The following RGS6 variants were observed in gnomAD, a reference collection of about 807,000 sequenced individuals.
The protein encoded by RGS6 is regulator of G protein signaling 6, also known as regulator of G-protein signaling 6.
A neutral mutation model predicts 78.5 loss-of-function variants in RGS6; 30 were observed. The ratio of observed to expected loss-of-function variants is 0.38; its 90% CI spans 0.29 to 0.52. The LOEUF is 0.52. RGS6 is among the 20% of genes least tolerant of loss of function. The probability of loss-of-function intolerance (pLI) is 0.85; values close to 1 mark genes in which losing one functional copy is unlikely to be tolerated. For synonymous variants in RGS6, 206 were observed against 206.0 expected, an observed-to-expected ratio of 1.00 and a Z score of 0.00; for missense variants, 495 against 609.7, an observed-to-expected ratio of 0.81 and a Z score of 1.98.
At chr14:72,597,868 G>A in the RGS6 span, among the ~76,000 whole-genome samples, 1 of 152,264 alleles carries the variant, frequency 6.6e-6, no homozygotes, top group East Asian at 1.9e-4. Context: ...TGCCCAGAAA[G>A]GAGCTGAGAA....
At chr14:72,238,851 A>T (rs928382214) in intron 2 of RGS6, among the ~76,000 whole-genome samples, 1 of 152,002 alleles carries the variant, frequency 6.6e-6, no homozygotes, top group Non-Finnish European at 1.5e-5. Flanking sequence ...TGCCTAAAAC[A>T]CTCATACAAC....
chr14:72,493,133 G>A (rs1231859041), intron 12 of RGS6, among the ~76,000 whole-genome samples: 1 of 152,144 alleles, frequency 6.6e-6, no homozygotes, highest in Non-Finnish European at 1.5e-5. Flanking sequence ...GCAGGTTTCA[G>A]TACCTCAGTC....
the RGS6 span, among the ~76,000 whole-genome samples, chr14:71,874,432 G>C: frequency 6.6e-6 from 1 of 152,054 alleles, no homozygotes; most frequent in African/African-American, 2.4e-5. Flanking sequence ...CTCATGATTT[G>C]GCTCTCTGTT....
chr14:72,001,895 CTTTTTTT>C (rs59274317), intron 2 of RGS6, among the ~76,000 whole-genome samples: 23 of 92,522 alleles, frequency 2.5e-4, no homozygotes, highest in Middle Eastern at 8.9e-3. Flanking sequence ...ATCCATTAAT[CTTTTTTT>C]TTTTTTTTTT....
chr14:72,349,828 C>G (rs1005796051), intron 2 of RGS6, among the ~76,000 whole-genome samples: 1 of 152,184 alleles, frequency 6.6e-6, no homozygotes, highest in Non-Finnish European at 1.5e-5. Flanking sequence ...TATCTAATGT[C>G]CACTCCGGGG....
intron 2 of RGS6, among the ~76,000 whole-genome samples, chr14:71,993,914 T>C (rs1459257431): frequency 1.3e-5 from 2 of 151,746 alleles, no homozygotes; most frequent in Non-Finnish European, 2.9e-5. Context: ...AGAGTGTCTC[T>C]GATAGGGAAA....
intron 2 of RGS6, among the ~76,000 whole-genome samples, chr14:72,077,577 G>A (rs1024601739): frequency 6.6e-6 from 1 of 151,996 alleles, no homozygotes; most frequent in Admixed American, 6.6e-5. Context: ...AAACACTCTT[G>A]CCTAATTTGT....
At chr14:72,368,899 G>T (rs1341522826) in intron 3 of RGS6, among the ~76,000 whole-genome samples, 1 of 152,118 alleles carries the variant, frequency 6.6e-6, no homozygotes, top group African/African-American at 2.4e-5. Context: ...TGAAGGTATG[G>T]TTACATTAAG....
rs140040518 is a variant in RGS6, at chr14:72,294,020, G to C, written c.85-58075G>C. 5.2e-3 allele frequency among the ~76,000 whole-genome samples: 794 copies of C among 152,314 alleles called. 11 individuals carry two copies. The highest frequency in any genetic ancestry group is 0.032 in the South Asian group (154 of 4,830). On this transcript the variant is annotated intron_variant, in intron 2 of 17. Coordinates refer to ENST00000553525, the MANE Select transcript of RGS6 (RefSeq NM_001204424.2). ...TATGCGGGCTGTGTCCTGTGTGACAGTGCCTAGCCAAGGGGGCAAGTGGGA... is the reference window on the plus strand; with the variant it reads ...TATGCGGGCTGTGTCCTGTGTGACACTGCCTAGCCAAGGGGGCAAGTGGGA...
chr14:71,984,015 T>C (rs2094575173), intron 2 of RGS6, among the ~76,000 whole-genome samples: 1 of 152,198 alleles, frequency 6.6e-6, no homozygotes, highest in Admixed American at 6.5e-5. Context: ...ACAACTTTAC[T>C]GTCCAACTGG....
the RGS6 span, among the ~76,000 whole-genome samples, chr14:72,605,543 G>A: frequency 2.2e-4 from 33 of 152,332 alleles, no homozygotes; most frequent in East Asian, 5.6e-3. Context: ...TGCTAAAAGC[G>A]CTGATGGTTC....
intron 2 of RGS6, among the ~76,000 whole-genome samples, chr14:72,016,601 G>A (rs1202128343): frequency 6.6e-6 from 1 of 152,112 alleles, no homozygotes; most frequent in Admixed American, 6.5e-5. Context: ...TCCTGACCTC[G>A]TGATCCGCCC....
At chr14:72,560,752 C>T (rs1406501900) in intron 17 of RGS6, among the ~76,000 whole-genome samples, 1 of 151,474 alleles carries the variant, frequency 6.6e-6, no homozygotes. Flanking sequence ...AAGTTTAGTG[C>T]ACTTGAAGAT....
At chr14:71,876,021 A>C in the RGS6 span, among the ~76,000 whole-genome samples, 2 of 152,016 alleles carry the variant, frequency 1.3e-5, no homozygotes, top group Non-Finnish European at 2.9e-5. Flanking sequence ...AATTTCTTAT[A>C]ATTTCTGTTC....
chr14:72,382,508 G>T (rs999917569), intron 3 of RGS6, among the ~76,000 whole-genome samples: 4 of 152,150 alleles, frequency 2.6e-5, no homozygotes, highest in Admixed American at 2.6e-4. Flanking sequence ...GTGTGCATTC[G>T]CAAACCACAT....
chr14:72,132,183 A>T (rs911943481), intron 2 of RGS6, among the ~76,000 whole-genome samples: 2 of 152,148 alleles, frequency 1.3e-5, no homozygotes, highest in Non-Finnish European at 2.9e-5. Context: ...CCAATCATTT[A>T]AATTAAGCAT....
At chr14:72,513,894 C>T (rs1020338735) in intron 14 of RGS6, 4 of 152,244 alleles carry the variant, frequency 2.6e-5, no homozygotes, top group Admixed American at 2.6e-4. Context: ...CCGAGTTCCA[C>T]ACAGTGTCGG....
chr14:72,318,639 T>A lies in RGS6; in HGVS notation c.85-33456T>A, dbSNP rs150066490. Among the ~76,000 whole-genome samples the A allele has an allele frequency of 7.2e-3, 1,089 of 152,200 alleles. 16 individuals carry two copies. Among genetic ancestry groups the A allele is most frequent in the African/African-American group, 0.024 (1,003 of 41,514 alleles). Reference sequence around the variant, plus strand: ...AAGGGCTAAGAGACAATCACTATGATCAGGTTATAGATTTTGACAAAGCAA... The same window carrying A: ...AAGGGCTAAGAGACAATCACTATGAACAGGTTATAGATTTTGACAAAGCAA... On this transcript the variant is annotated intron_variant, in intron 2 of 17. Transcript: ENST00000553525.
chr14:72,590,851 C>T, the RGS6 span, among the ~76,000 whole-genome samples: 1 of 152,160 alleles, frequency 6.6e-6, no homozygotes, highest in East Asian at 1.9e-4. Context: ...ACCAGAAGGG[C>T]TAGAAGCCGC....
Sources: allele counts gnomAD v4.1 joint callset (sites outside exome capture counted in the v4.1 genomes callset), GRCh38; gene constraint gnomAD v4.1.1; transcripts MANE v1.5; gene names NCBI Gene and HGNC (gene_info 2026-07-23, HGNC 2026-07-21).